Variants in GDAP2 observed in about 807,000 individuals in gnomAD.
The protein encoded by GDAP2 is ganglioside-induced differentiation-associated protein 2.
Under a neutral mutation model 67.0 loss-of-function variants are expected in GDAP2, and 51 were observed. That is an observed-to-expected ratio of 0.76 (90% confidence interval 0.61 to 0.96). The LOEUF (loss-of-function observed/expected upper bound fraction) is 0.96. Among genes scored for constraint, GDAP2 ranks in the 40% least tolerant of loss-of-function variants. The pLI is 0.00. For missense variants in GDAP2, 547 were observed against 588.3 expected (o/e 0.93, Z 0.73); for synonymous variants, 203 against 207.3 (o/e 0.98, Z 0.18).
At chr1:117,895,357 G>A (rs547564496) in intron 8 of GDAP2, among the ~76,000 whole-genome samples, 2 of 152,098 alleles carry the variant, frequency 1.3e-5, no homozygotes, top group South Asian at 4.1e-4. Flanking sequence ...CAATCTGGCT[G>A]TCTTCCATTA....
At chr1:117,889,518 T>A (rs1351398826) in intron 8 of GDAP2, among the ~76,000 whole-genome samples, 1 of 152,028 alleles carries the variant, frequency 6.6e-6, no homozygotes, top group Admixed American at 6.6e-5. Context: ...TCTCTGTTTT[T>A]CTGAGTTCAG....
At chr1:117,921,957 C>T (rs1650267324) in intron 1 of GDAP2, among the ~76,000 whole-genome samples, 1 of 152,092 alleles carries the variant, frequency 6.6e-6, no homozygotes, top group Admixed American at 6.5e-5. Flanking sequence ...TTCTGGATTA[C>T]TTGCTTACAC....
intron 2 of GDAP2, 41 bp from the exon 3 acceptor site, chr1:117,918,777 A>G (rs1650140115): frequency 1.3e-6 from 2 of 1,490,838 alleles, no homozygotes; most frequent in African/African-American, 1.4e-5. Flanking sequence ...GGGGAAAAAG[A>G]AGAAAAGAAA....
intron 1 of GDAP2, among the ~76,000 whole-genome samples, chr1:117,921,499 G>A (rs775857307): frequency 5.9e-5 from 9 of 152,216 alleles, no homozygotes; most frequent in Non-Finnish European, 1.0e-4. Flanking sequence ...AGATGTTTCA[G>A]GCAAAGGAAA....
intron 10 of GDAP2, among the ~76,000 whole-genome samples, chr1:117,885,731 G>T (rs1648828853): frequency 6.6e-6 from 1 of 151,990 alleles, no homozygotes; most frequent in Non-Finnish European, 1.5e-5. Flanking sequence ...CTTAAATTCT[G>T]TGTAATTTTG....
chr1:117,891,854 T>C (rs1015187521), intron 8 of GDAP2, among the ~76,000 whole-genome samples: 3 of 152,154 alleles, frequency 2.0e-5, no homozygotes, highest in African/African-American at 7.2e-5. Context: ...TTCAGAATTT[T>C]TAAAAATTTA....
Position 117,865,153 on chromosome 1 carries a change from C to G in GDAP2, c.*5416G>C, listed in dbSNP as rs1310222519. The G allele has an allele frequency of 6.6e-6, 1 of 152,168 alleles. No individual in the cohort carries two copies. Among genetic ancestry groups the G allele is most frequent in the African/African-American group, 2.4e-5 (1 of 41,436 alleles). The allele number at this position is 152,168 out of a possible 1,614,324, so 9.4% of individuals were successfully genotyped here. A position where few individuals can be genotyped will look rare whatever the true frequency, so the allele number is the denominator to read the frequency against. ...AAGTTTGGGAAACACTAGTCCAGGT[C>G]TCCACAGAGAATGTTGACTAAAATT... On this transcript the variant is annotated 3_prime_UTR_variant, in exon 14 of 14. Coordinates refer to ENST00000369443, the MANE Select transcript of GDAP2 (RefSeq NM_017686.4).
intron 9 of GDAP2, 42 bp downstream of exon 9, chr1:117,887,656 C>G: frequency 1.1e-6 from 1 of 949,958 alleles, no homozygotes; most frequent in Non-Finnish European, 1.7e-6. Flanking sequence ...TGGTAGGGCT[C>G]TTAATTAGTG....
intron 12 of GDAP2, 111 bp downstream of exon 12, chr1:117,881,712 T>C: frequency 1.4e-6 from 1 of 706,918 alleles, no homozygotes; most frequent in East Asian, 2.5e-5. Context: ...ACCAGGAAAT[T>C]AGCAGTCACA....
intron 1 of GDAP2, among the ~76,000 whole-genome samples, chr1:117,920,835 A>G (rs1359578719): frequency 6.6e-6 from 1 of 152,220 alleles, no homozygotes; most frequent in East Asian, 1.9e-4. Flanking sequence ...GTACTGAGTA[A>G]GACAAAATGA....
chr1:117,905,778 T>G (rs1302460095), intron 6 of GDAP2, among the ~76,000 whole-genome samples: 1 of 152,140 alleles, frequency 6.6e-6, no homozygotes, highest in East Asian at 1.9e-4. Context: ...GTGCCTTTTT[T>G]CAGCAAATTC....
chr1:117,899,304 A>C, intron 6 of GDAP2, 88 bp from the exon 7 acceptor site: 1 of 836,614 alleles, frequency 1.2e-6, no homozygotes, highest in Non-Finnish European at 2.0e-6. Context: ...TACACTGTGA[A>C]GACAACCTCC....
At chr1:117,919,060 A>C (rs1436901255) in intron 2 of GDAP2, among the ~76,000 whole-genome samples, 1 of 152,212 alleles carries the variant, frequency 6.6e-6, no homozygotes, top group East Asian at 1.9e-4. Flanking sequence ...ATACAATGGA[A>C]TATTATTCAA....
At chr1:117,920,912 C>T (rs1258176293) in intron 1 of GDAP2, among the ~76,000 whole-genome samples, 2 of 152,106 alleles carry the variant, frequency 1.3e-5, no homozygotes, top group Admixed American at 6.5e-5. Flanking sequence ...AAAGGAGATA[C>T]AGAAGGAGGC....
chr1:117,919,859 A>C (rs1650181501), intron 2 of GDAP2, among the ~76,000 whole-genome samples: 1 of 150,440 alleles, frequency 6.6e-6, no homozygotes, highest in South Asian at 2.2e-4. Context: ...AGTGACAAGA[A>C]GATCAGTGGT....
chr1:117,906,547 T>C lies in GDAP2; in HGVS notation c.595A>G (p.Thr199Ala). The C allele has an allele frequency of 6.3e-7, 1 of 1,580,512 alleles. No individual in the cohort carries two copies. Among genetic ancestry groups the C allele is most frequent in the Non-Finnish European group, 8.7e-7 (1 of 1,152,150 alleles). ...ACAGCAAATACTACTTTTTCAATGG[T>C]TTCCCCATGAATCTCTAGGAATCTT... ...VRRFLEIHGE[T>A]IEKVVFAVSD... Residue 199 changes from threonine to alanine, a missense_variant, in exon 6 of 14, where the codon ACC (threonine) becomes GCC (alanine). By Grantham distance (58) the Thr-to-Ala change is moderately conservative. Transcript: ENST00000369443.
At chr1:117,928,467 C>T (rs1271538295) in intron 1 of GDAP2, among the ~76,000 whole-genome samples, 1 of 152,160 alleles carries the variant, frequency 6.6e-6, no homozygotes, top group Non-Finnish European at 1.5e-5. Context: ...ACCATACATA[C>T]CCACTCAAAT....
chr1:117,875,527 C>G (rs1002996626), intron 13 of GDAP2, among the ~76,000 whole-genome samples: 2 of 152,340 alleles, frequency 1.3e-5, no homozygotes, highest in Admixed American at 1.3e-4. Context: ...GGGGCACTGC[C>G]TAGTGGAGCT....
intron 13 of GDAP2, among the ~76,000 whole-genome samples, chr1:117,874,163 A>G (rs1648381800): frequency 6.6e-6 from 1 of 152,168 alleles, no homozygotes. Context: ...TATAGTTTGA[A>G]TATCTGACCT....
Sources: allele counts gnomAD v4.1 joint callset (sites outside exome capture counted in the v4.1 genomes callset), GRCh38; gene constraint gnomAD v4.1.1; transcripts MANE v1.5; gene names NCBI Gene and HGNC (gene_info 2026-07-23, HGNC 2026-07-21).